OPA1: variants seen among roughly 807,000 people sequenced by gnomAD.
The protein encoded by OPA1 is OPA1 mitochondrial dynamin like GTPase, also known as dynamin-like GTPase OPA1, mitochondrial.
A neutral mutation model predicts 152.9 loss-of-function variants in OPA1; 59 were observed. That is an observed-to-expected ratio of 0.39 (90% CI 0.31 to 0.48). The LOEUF (loss-of-function observed/expected upper bound fraction) is 0.48, where lower values mean the gene tolerates loss of function less well. Among genes scored for constraint, OPA1 ranks in the 20% least tolerant of loss-of-function variants. The pLI is 0.96. For missense variants in OPA1, 1,008 were observed against 1,216.8 expected (o/e 0.83, Z 2.55); for synonymous variants, 400 against 389.9 (o/e 1.03, Z -0.31).
intron 6 of OPA1, chr3:193,619,668 G>C (rs1185999464): frequency 1.3e-5 from 2 of 151,896 alleles, no homozygotes; most frequent in Non-Finnish European, 2.9e-5. Flanking sequence ...TTCCTTGAAA[G>C]TTTTTTTCTA....
At chr3:193,639,123 A>G (rs1355254678) in intron 11 of OPA1, among the ~76,000 whole-genome samples, 1 of 152,204 alleles carries the variant, frequency 6.6e-6, no homozygotes, top group Non-Finnish European at 1.5e-5. Flanking sequence ...CTCCAGGGTC[A>G]CAGGAAGAAG....
intron 26 of OPA1, 140 bp downstream of exon 26, chr3:193,663,102 T>C (rs1577320575): frequency 2.5e-6 from 2 of 791,888 alleles, no homozygotes; most frequent in East Asian, 5.4e-5. Flanking sequence ...AGTAAAAGCT[T>C]AGTCATTTTG....
rs937546860 is a variant in OPA1, at chr3:193,666,336, G to A, written c.2819G>A (p.Arg940His). 8 of 1,613,944 alleles carry A rather than the reference G, an allele frequency of 5.0e-6. No individual in the cohort carries two copies. Among genetic ancestry groups the A allele is most frequent in the Non-Finnish European group, 5.9e-6 (7 of 1,179,986 alleles). ...NDVVLFWRIQ[R>H]MLAITANTLR... The stretch of plus-strand genomic sequence containing the variant: ...GTGGTCTTGTTTTGGCGTATACAGC[G>A]CATGCTTGCTATCACCGCAAATACT... Residue 940 changes from arginine to histidine, a missense_variant, in exon 28 of 31, where the codon CGC becomes CAC. Arg to His is a conservative substitution (Grantham distance 29). Around this residue, in one of 7 missense-constraint regions of OPA1, gnomAD observed 137 missense variants for 171.0 expected, o/e 0.80. Transcript: ENST00000361510.
At chr3:193,620,670 A>G (rs1729893423) in intron 6 of OPA1, among the ~76,000 whole-genome samples, 2 of 152,150 alleles carry the variant, frequency 1.3e-5, no homozygotes, top group African/African-American at 4.8e-5. Flanking sequence ...AGTTGTAATT[A>G]AGCTACTTTC....
chr3:193,601,326 T>A (rs1486904101), intron 1 of OPA1, among the ~76,000 whole-genome samples: 7 of 152,218 alleles, frequency 4.6e-5, no homozygotes, highest in South Asian at 4.1e-4. Context: ...CCTCCAAGTA[T>A]AAGGGCTATC....
At chr3:193,684,897 T>C (rs1720723568) in intron 29 of OPA1, among the ~76,000 whole-genome samples, 1 of 152,122 alleles carries the variant, frequency 6.6e-6, no homozygotes, top group Non-Finnish European at 1.5e-5. Flanking sequence ...TGAAGCCTTT[T>C]GGGGAATAGG....
At chr3:193,595,295 T>C (rs981323669) in intron 1 of OPA1, among the ~76,000 whole-genome samples, 1 of 152,234 alleles carries the variant, frequency 6.6e-6, no homozygotes, top group Non-Finnish European at 1.5e-5. Context: ...CTCATGGACA[T>C]GTGAAAAGAT....
chr3:193,685,627 C>A (rs1385813862), intron 29 of OPA1, among the ~76,000 whole-genome samples: 1 of 152,120 alleles, frequency 6.6e-6, no homozygotes, highest in Non-Finnish European at 1.5e-5. Flanking sequence ...CTGTTCTCCA[C>A]ATTAATGCTC....
intron 3 of OPA1, among the ~76,000 whole-genome samples, 172 bp downstream of exon 3, chr3:193,615,942 A>G (rs1728945021): frequency 1.3e-5 from 2 of 152,232 alleles, no homozygotes; most frequent in South Asian, 4.1e-4. Flanking sequence ...CCAGTAGCCC[A>G]TAATTTTACC....
rs1209769957 is a variant in OPA1, at chr3:193,667,164, A to T, written c.2873-6A>T. 37 of 1,422,518 alleles carry T rather than the reference A, an allele frequency of 2.6e-5. No individual in the cohort carries two copies. Among genetic ancestry groups the T allele is most frequent in the Non-Finnish European group, 3.7e-5 (37 of 1,005,300 alleles). 88.1% of individuals were successfully genotyped at this position (1,422,518 alleles called of 1,614,324 possible). A position where few individuals can be genotyped will look rare whatever the true frequency, so the allele number is the denominator to read the frequency against. On this transcript the variant is annotated splice_polypyrimidine_tract_variant and splice_region_variant and intron_variant, in intron 28 of 30. Transcript: ENST00000361510. ...CTCCTCAGGTTTTTTAACTTTCTTT[A>T]AACAGTTAGGCGATTAGAGAAAAAT...
chr3:193,663,971 T>G (rs1410446637), intron 26 of OPA1, among the ~76,000 whole-genome samples: 1 of 152,132 alleles, frequency 6.6e-6, no homozygotes, highest in South Asian at 2.1e-4. Flanking sequence ...TTAAACGTTA[T>G]GTGGCACGTT....
intron 29 of OPA1, among the ~76,000 whole-genome samples, chr3:193,678,492 G>A (rs982060449): frequency 2.0e-5 from 3 of 152,030 alleles, no homozygotes; most frequent in Non-Finnish European, 4.4e-5. Flanking sequence ...CACATTTTTC[G>A]TGAAGAGGTC....
At chr3:193,677,014 G>C (rs1481083069) in intron 29 of OPA1, among the ~76,000 whole-genome samples, 1 of 143,974 alleles carries the variant, frequency 6.9e-6, no homozygotes. Context: ...AGTCACTGTT[G>C]AAGAATATCA....
intron 2 of OPA1, among the ~76,000 whole-genome samples, 195 bp from the exon 3 acceptor site, chr3:193,615,479 A>G (rs993665666): frequency 1.3e-5 from 2 of 152,184 alleles, no homozygotes; most frequent in Non-Finnish European, 2.9e-5. Flanking sequence ...GAATTTTTAC[A>G]TTTTCCATAT....
chr3:193,607,318 G>A (rs1006245075), intron 1 of OPA1, among the ~76,000 whole-genome samples: 3 of 152,178 alleles, frequency 2.0e-5, no homozygotes, highest in Non-Finnish European at 4.4e-5. Context: ...TGCTTTTGGT[G>A]TTTTAGACAT....
At chr3:193,625,553 A>G (rs1191208411) in intron 6 of OPA1, among the ~76,000 whole-genome samples, 1 of 152,150 alleles carries the variant, frequency 6.6e-6, no homozygotes, top group Non-Finnish European at 1.5e-5. Flanking sequence ...AATCAAATGT[A>G]TGCAAAGGCA....
intron 29 of OPA1, among the ~76,000 whole-genome samples, chr3:193,689,741 C>T (rs1577405816): frequency 6.6e-6 from 1 of 152,248 alleles, no homozygotes; most frequent in East Asian, 1.9e-4. Context: ...ATGCACTGCC[C>T]TATTGTACTC....
intron 6 of OPA1, among the ~76,000 whole-genome samples, chr3:193,619,952 G>GAAAAATGTATGT (rs1729743238): frequency 6.6e-6 from 1 of 152,068 alleles, no homozygotes; most frequent in African/African-American, 2.4e-5. Context: ...ATCTTTTGGA[G>GAAAAATGTATGT]AAAAATGTAT....
At chr3:193,631,710 A>G (rs939591440) in intron 8 of OPA1, 45 bp downstream of exon 8, 1 of 1,514,720 alleles carries the variant, frequency 6.6e-7, no homozygotes, top group Non-Finnish European at 9.2e-7. Flanking sequence ...TAAAAATTAT[A>G]TTCGAATGTA....
Sources: allele counts gnomAD v4.1 joint callset (sites outside exome capture counted in the v4.1 genomes callset), GRCh38; gene constraint gnomAD v4.1.1; regional missense constraint gnomAD v4.1.1; transcripts MANE v1.5; gene names NCBI Gene and HGNC (gene_info 2026-07-23, HGNC 2026-07-21).